CLEC16A: variants seen among roughly 807,000 people sequenced by gnomAD.
CLEC16A encodes the protein C-type lectin domain containing 16A, also known as protein CLEC16A.
A neutral mutation model predicts 109.5 loss-of-function variants in CLEC16A; 51 were observed. The ratio of observed to expected loss-of-function variants is 0.47; its 90% CI spans 0.37 to 0.59. The LOEUF is 0.59. CLEC16A is among the 20% of genes least tolerant of loss of function. The pLI is 0.00. For synonymous variants in CLEC16A, 673 were observed against 564.2 expected (o/e 1.19, Z -2.73); for missense variants, 1,339 against 1,394.0 (o/e 0.96, Z 0.63).
chr16:11,146,467 G>A (rs995700742), intron 22 of CLEC16A, among the ~76,000 whole-genome samples: 1 of 142,310 alleles, frequency 7.0e-6, no homozygotes, highest in Non-Finnish European at 1.5e-5. Context: ...ATAGAGGATG[G>A]ATAAATGGGT....
intron 10 of CLEC16A, among the ~76,000 whole-genome samples, chr16:10,985,794 T>TGCAGCCTCTGCCTCTGGGTTCAAGCA (rs1555526349): frequency 6.6e-6 from 1 of 151,288 alleles, no homozygotes; most frequent in East Asian, 1.9e-4. Flanking sequence ...CTCGGCTCAC[T>TGCAGCCTCTGCCTCTGGGTTCAAGCA]GCAGCCTCTG....
chr16:11,050,971 G>A lies in CLEC16A; in HGVS notation c.1867-542G>A, dbSNP rs11860667. On this transcript the variant is annotated intron_variant, in intron 17 of 23. Transcript: ENST00000409790. ...TGGCTCTGCCACCCACCAGCTGAGC[G>A]ACCTTGGATCCATTTTTCTGCTTCT... 9.9e-3 allele frequency among the ~76,000 whole-genome samples: 1,505 copies of A among 152,300 alleles called. 22 individuals are homozygous for A. Among genetic ancestry groups the A allele is most frequent in the African/African-American group, 0.035 (1,448 of 41,546 alleles).
chr16:11,047,416 G>C, intron 17 of CLEC16A, 74 bp downstream of exon 17: 2 of 1,242,544 alleles, frequency 1.6e-6, no homozygotes, highest in Non-Finnish European at 2.2e-6. Flanking sequence ...GCCCATCCCA[G>C]AGGGAGTTTT....
intron 23 of CLEC16A, among the ~76,000 whole-genome samples, chr16:11,170,779 G>C (rs2068477337): frequency 1.3e-5 from 2 of 152,360 alleles, no homozygotes; most frequent in African/African-American, 4.8e-5. Context: ...CAAAAAGCAT[G>C]ATCTTGCAGG....
At chr16:11,119,061 G>T (rs2052211731) in intron 19 of CLEC16A, among the ~76,000 whole-genome samples, 2 of 152,188 alleles carry the variant, frequency 1.3e-5, no homozygotes, top group African/African-American at 4.8e-5. Flanking sequence ...AAGTGCTGTG[G>T]TGCGATCTTG....
At chr16:11,103,136 G>A (rs963973847) in intron 19 of CLEC16A, among the ~76,000 whole-genome samples, 1 of 152,192 alleles carries the variant, frequency 6.6e-6, no homozygotes, top group African/African-American at 2.4e-5. Context: ...CCAGAGGTTT[G>A]GTGGAAAATG....
intron 19 of CLEC16A, among the ~76,000 whole-genome samples, chr16:11,073,570 C>T (rs1306820417): frequency 6.6e-6 from 1 of 152,132 alleles, no homozygotes; most frequent in Non-Finnish European, 1.5e-5. Flanking sequence ...CGCAGTGCAG[C>T]GGCCCAAGCT....
At chr16:11,008,342 T>G (rs1025913937) in intron 11 of CLEC16A, among the ~76,000 whole-genome samples, 25 of 152,236 alleles carry the variant, frequency 1.6e-4, no homozygotes, top group Admixed American at 1.6e-3. Context: ...GCCATTTCCC[T>G]GAAAAGCACT....
At chr16:10,947,362 G>T (rs867246408) in intron 1 of CLEC16A, among the ~76,000 whole-genome samples, 1 of 152,214 alleles carries the variant, frequency 6.6e-6, no homozygotes, top group African/African-American at 2.4e-5. Flanking sequence ...AGGCTGGTGG[G>T]GGAGACAGCT....
At chr16:10,997,597 G>A (rs1022992390) in intron 10 of CLEC16A, among the ~76,000 whole-genome samples, 1 of 152,144 alleles carries the variant, frequency 6.6e-6, no homozygotes, top group Non-Finnish European at 1.5e-5. Context: ...TGTTCTTTAC[G>A]TGTAAATAGT....
intron 22 of CLEC16A, among the ~76,000 whole-genome samples, chr16:11,144,817 C>T (rs779044528): frequency 2.0e-5 from 3 of 152,208 alleles, no homozygotes; most frequent in East Asian, 1.9e-4. Flanking sequence ...ATGTTTTGTG[C>T]GCTGGGGCCA....
At chr16:11,153,972 C>G (rs2054401536) in intron 22 of CLEC16A, among the ~76,000 whole-genome samples, 1 of 152,256 alleles carries the variant, frequency 6.6e-6, no homozygotes, top group East Asian at 1.9e-4. Context: ...AGACACACAC[C>G]TCCCCATAAG....
intron 13 of CLEC16A, among the ~76,000 whole-genome samples, chr16:11,026,645 G>GTT (rs35679277): frequency 0.014 from 1,459 of 106,360 alleles, 34 homozygotes; most frequent in African/African-American, 0.05. Context: ...TTTGTTTGGG[G>GTT]TTTTTTTTTT....
intron 22 of CLEC16A, among the ~76,000 whole-genome samples, chr16:11,138,616 C>A: frequency 6.6e-6 from 1 of 152,230 alleles, no homozygotes; most frequent in East Asian, 1.9e-4. Flanking sequence ...AAAAGTCCCA[C>A]AGGCTGGGGT....
chr16:11,080,073 C>G (rs1318112247), intron 19 of CLEC16A, among the ~76,000 whole-genome samples: 2 of 152,236 alleles, frequency 1.3e-5, no homozygotes, highest in African/African-American at 2.4e-5. Context: ...CTGTTTCCCA[C>G]CAGAAACACA....
In CLEC16A at chr16:11,049,887, G is replaced by T. The variant is rs75320221; in HGVS notation, c.1867-1626G>T. Among the ~76,000 whole-genome samples, 1,255 of 152,360 alleles carry T rather than the reference G, an allele frequency of 8.2e-3. 23 individuals carry two copies. The highest frequency in any genetic ancestry group is 0.029 in the African/African-American group (1,188 of 41,576). On this transcript the variant is annotated intron_variant, in intron 17 of 23. Transcript: ENST00000409790. ...CCCCTGCGGGGTTAGAGGATTTGGAGTGGGGGACCTCAGGCTTCTGGAGGA... is the reference window on the plus strand; with the variant it reads ...CCCCTGCGGGGTTAGAGGATTTGGATTGGGGGACCTCAGGCTTCTGGAGGA...
At chr16:11,138,953 C>T (rs1034307042) in intron 22 of CLEC16A, among the ~76,000 whole-genome samples, 6 of 149,920 alleles carry the variant, frequency 4.0e-5, no homozygotes, top group African/African-American at 7.3e-5. Context: ...GAAATAGCTA[C>T]GCTGAGAAAC....
chr16:11,099,662 A>G (rs2050797683), intron 19 of CLEC16A, among the ~76,000 whole-genome samples: 1 of 152,168 alleles, frequency 6.6e-6, no homozygotes, highest in African/African-American at 2.4e-5. Context: ...GTGTGGCTGC[A>G]TGCTGTCAAC....
At chr16:11,003,372 C>T in intron 11 of CLEC16A, 67 bp downstream of exon 11, 1 of 1,291,640 alleles carries the variant, frequency 7.7e-7, no homozygotes. Context: ...AGGCTGCCAC[C>T]TGTGCCCTCT....
Sources: gnomAD v4.1 joint callset for allele counts (sites outside exome capture counted in the v4.1 genomes callset) on GRCh38, gnomAD v4.1.1 for gene constraint, MANE v1.5 for transcripts, NCBI Gene and HGNC (gene_info 2026-07-23, HGNC 2026-07-21) for gene names.